The following CTNNA2 variants were observed in gnomAD, a reference collection of about 807,000 sequenced individuals.
CTNNA2 encodes the protein catenin alpha 2.
In CTNNA2, 42 loss-of-function variants were observed where a neutral mutation model predicts 101.0. That is an observed-to-expected ratio of 0.42 (90% CI 0.32 to 0.54). CTNNA2 has a LOEUF of 0.54. Ranked by LOEUF, CTNNA2 falls within the 20% of genes least tolerant of loss-of-function variation. The pLI, the probability that CTNNA2 is intolerant of heterozygous loss-of-function variation, is 0.14. For synonymous variants in CTNNA2, 450 were observed against 456.4 expected (o/e 0.99, Z 0.18); for missense variants, 871 against 1,223.1 (o/e 0.71, Z 4.29).
chr2:80,192,539 A>AT (rs1224258719), intron 7 of CTNNA2, among the ~76,000 whole-genome samples: 2 of 150,282 alleles, frequency 1.3e-5, no homozygotes, highest in Non-Finnish European at 3.0e-5. Context: ...TTTTCTTTTT[A>AT]TTTTTTGACA....
At chr2:80,290,191 A>G (rs1404774305) in intron 7 of CTNNA2, among the ~76,000 whole-genome samples, 1 of 152,196 alleles carries the variant, frequency 6.6e-6, no homozygotes, top group Non-Finnish European at 1.5e-5. Flanking sequence ...TAAGCCAGCA[A>G]ATGGCAGAAG....
chr2:79,709,507 G>A (rs1685607312), intron 2 of CTNNA2, among the ~76,000 whole-genome samples: 1 of 151,680 alleles, frequency 6.6e-6, no homozygotes, highest in Non-Finnish European at 1.5e-5. Flanking sequence ...GGGATGAGGG[G>A]TGATATGATA....
At chr2:79,407,507 A>T (rs182470277) in intron 4 of CTNNA2, among the ~76,000 whole-genome samples, 1 of 152,012 alleles carries the variant, frequency 6.6e-6, no homozygotes, top group East Asian at 1.9e-4. Flanking sequence ...CATTATCCCC[A>T]CACACCTACA....
chr2:80,099,259 A>G (rs1305807297), intron 7 of CTNNA2, among the ~76,000 whole-genome samples: 1 of 152,040 alleles, frequency 6.6e-6, no homozygotes, highest in Non-Finnish European at 1.5e-5. Flanking sequence ...ACCATTTACT[A>G]GCTGAGTTTT....
chr2:80,315,807 C>G (rs1678063192), intron 7 of CTNNA2, among the ~76,000 whole-genome samples: 1 of 152,128 alleles, frequency 6.6e-6, no homozygotes, highest in South Asian at 2.1e-4. Flanking sequence ...TATTACAACT[C>G]TAAGTATGAA....
chr2:79,656,981 G>T (rs1355441793), intron 2 of CTNNA2, among the ~76,000 whole-genome samples: 2 of 151,636 alleles, frequency 1.3e-5, no homozygotes. Context: ...GCTATCATCA[G>T]TATAGAATTT....
intron 15 of CTNNA2, among the ~76,000 whole-genome samples, chr2:80,596,505 G>A (rs1228667928): frequency 1.3e-5 from 2 of 150,758 alleles, no homozygotes; most frequent in Non-Finnish European, 3.0e-5. Flanking sequence ...GTAGAGACGG[G>A]GCTTCACCGT....
chr2:80,050,607 G>A (rs377576833), intron 7 of CTNNA2, among the ~76,000 whole-genome samples: 4 of 152,190 alleles, frequency 2.6e-5, no homozygotes, highest in Admixed American at 1.3e-4. Context: ...AGACCCCTGC[G>A]GGGAGAGGCC....
chr2:80,355,709 A>G (rs1192814879), intron 7 of CTNNA2, among the ~76,000 whole-genome samples: 2 of 152,146 alleles, frequency 1.3e-5, no homozygotes, highest in Admixed American at 6.6e-5. Flanking sequence ...TCCGTTGTAT[A>G]TGATGAACTT....
chr2:80,010,430 T>C (rs1693693344), intron 7 of CTNNA2, among the ~76,000 whole-genome samples: 1 of 152,192 alleles, frequency 6.6e-6, no homozygotes, highest in East Asian at 1.9e-4. Context: ...TTCAGCCTCC[T>C]GAGTAGCCGG....
chr2:79,446,668 A>T (rs552050828), intron 4 of CTNNA2, among the ~76,000 whole-genome samples: 1 of 152,160 alleles, frequency 6.6e-6, no homozygotes, highest in South Asian at 2.1e-4. Flanking sequence ...TCAGCTTTCA[A>T]TTCTCTAGGG....
At chr2:80,336,630 T>C (rs1236486921) in intron 7 of CTNNA2, among the ~76,000 whole-genome samples, 1 of 152,196 alleles carries the variant, frequency 6.6e-6, no homozygotes, top group East Asian at 1.9e-4. Context: ...ATATAGTACT[T>C]TGAGTTTTCC....
intron 4 of CTNNA2, among the ~76,000 whole-genome samples, chr2:79,452,805 C>A (rs376763): frequency 2.6e-5 from 4 of 151,804 alleles, no homozygotes; most frequent in African/African-American, 9.7e-5. Flanking sequence ...CTAATGCATC[C>A]TTCATTATCA....
rs540348694 is a variant in CTNNA2 at position 80,114,888 on chromosome 2, G to A, written c.1056+205091G>A. 1.6e-4 allele frequency among the ~76,000 whole-genome samples: 24 copies of A among 152,260 alleles called. No homozygotes were observed. In the East Asian group the frequency reaches 4.6e-3, roughly 29 times the overall value. Reference sequence around the variant, plus strand: ...AGTTCATATCTTCATCTTACTCCAAGAAACCTTGAAGAGGAAATGTGTATC... The same window carrying A: ...AGTTCATATCTTCATCTTACTCCAAAAAACCTTGAAGAGGAAATGTGTATC... On this transcript the variant is annotated intron_variant, in intron 7 of 18. Coordinates refer to ENST00000402739, the MANE Select transcript of CTNNA2 (RefSeq NM_001282597.3).
chr2:79,435,824 C>T (rs1678707172), intron 4 of CTNNA2, among the ~76,000 whole-genome samples: 1 of 152,126 alleles, frequency 6.6e-6, no homozygotes, highest in Non-Finnish European at 1.5e-5. Flanking sequence ...TAGATCACTG[C>T]TAGCCTCATC....
intron 7 of CTNNA2, among the ~76,000 whole-genome samples, chr2:80,092,687 A>C: frequency 7.4e-6 from 1 of 134,970 alleles, no homozygotes; most frequent in South Asian, 2.1e-4. Flanking sequence ...CTTAATCAAT[A>C]GTCTGGGAAA....
At chr2:79,982,368 TATATATAACATATATAAC>T (rs1213694805) in intron 7 of CTNNA2, among the ~76,000 whole-genome samples, 3 of 113,576 alleles carry the variant, frequency 2.6e-5, no homozygotes, top group Non-Finnish European at 5.4e-5. Flanking sequence ...CTATATAACA[TATATATAACATATATAAC>T]ATATATAACA....
At chr2:80,468,268 A>G (rs917251899) in intron 9 of CTNNA2, among the ~76,000 whole-genome samples, 1 of 152,160 alleles carries the variant, frequency 6.6e-6, no homozygotes, top group African/African-American at 2.4e-5. Flanking sequence ...TAAAATTTGG[A>G]CCCTATTTGA....
At chr2:80,072,269 A>G (rs1698396624) in intron 7 of CTNNA2, among the ~76,000 whole-genome samples, 1 of 152,076 alleles carries the variant, frequency 6.6e-6, no homozygotes, top group South Asian at 2.1e-4. Flanking sequence ...TGCACAGATC[A>G]TATTCCTGCT....
Sources: gnomAD v4.1 joint callset for allele counts (sites outside exome capture counted in the v4.1 genomes callset) on GRCh38, gnomAD v4.1.1 for gene constraint, MANE v1.5 for transcripts, NCBI Gene and HGNC (gene_info 2026-07-23, HGNC 2026-07-21) for gene names.